GALNT9: variants seen among roughly 807,000 people sequenced by gnomAD.
The protein encoded by GALNT9 is GalNAc transferase 9.
In GALNT9, 47 loss-of-function variants were observed where a neutral mutation model predicts 63.1. The observed-to-expected ratio is 0.75, with a 90% CI of 0.59 to 0.95. The LOEUF (loss-of-function observed/expected upper bound fraction) is 0.95, where lower values mean the gene tolerates loss of function less well. GALNT9 is among the 40% of genes least tolerant of loss of function. The pLI is 0.00. For synonymous variants in GALNT9, 396 were observed against 365.7 expected (o/e 1.08, Z -0.94); for missense variants, 829 against 874.8 (o/e 0.95, Z 0.66).
intron 6 of GALNT9, among the ~76,000 whole-genome samples, chr12:132,208,961 G>A (rs1008630515): frequency 6.6e-6 from 1 of 152,190 alleles, no homozygotes; most frequent in African/African-American, 2.4e-5. Context: ...CTGTCTTGGG[G>A]TAATTATTAA....
chr12:132,203,719 G>A (rs770839659), intron 6 of GALNT9, 29 bp from the exon 7 acceptor site: 30 of 1,602,516 alleles, frequency 1.9e-5, no homozygotes, highest in Admixed American at 5.1e-5. Flanking sequence ...GGGTGCCGGC[G>A]TCCTTCCCAA....
intron 1 of GALNT9, among the ~76,000 whole-genome samples, chr12:132,304,382 C>G (rs201592824): frequency 9.6e-5 from 9 of 94,078 alleles, no homozygotes; most frequent in Admixed American, 2.1e-4. Context: ...CCCGGGCACA[C>G]CCTCACCGGG....
At position 132,198,065 on chromosome 12, in the gene GALNT9, C is replaced by T. The variant is rs528308145; in HGVS notation, c.1498-106G>A. 2.5e-3 allele frequency: 2,410 copies of T among 967,136 alleles called. 4 individuals carry two copies. Among genetic ancestry groups the T allele is most frequent in the Non-Finnish European group, 3.4e-3 (2,212 of 656,262 alleles). 59.9% of individuals were successfully genotyped at this position (967,136 alleles called of 1,614,324 possible). On this transcript the variant is annotated intron_variant, in intron 9 of 10. Transcript: ENST00000328957. ...CTTGAGCTGCAAACGGGGCCCTGCGCGGCTGCCTTGGAGCCTCCCACCCCG... is the reference window on the plus strand; with the variant it reads ...CTTGAGCTGCAAACGGGGCCCTGCGTGGCTGCCTTGGAGCCTCCCACCCCG...
Position 132,286,100 on chromosome 12 carries a change from GGCGGGCGTGGGGGGCGGT to G in GALNT9, c.419+132_419+149del. ...CAGCGTGGGGGGCGGTCACTTCCCCGGCGGGCGTGGGGGGCGGTCACTTCCCTGGCGGGCGTGGGGGCC... is the reference window on the plus strand; with the variant it reads ...CAGCGTGGGGGGCGGTCACTTCCCCGCACTTCCCTGGCGGGCGTGGGGGCC... On this transcript the variant is annotated intron_variant, in intron 2 of 10. Coordinates refer to ENST00000328957, the MANE Select transcript of GALNT9 (RefSeq NM_001122636.2). This position sits in a 1 kb window ranked among gnomAD's most constrained non-coding sequence, Gnocchi z 7.4. 3 of 1,062,972 alleles carry G rather than the reference GGCGGGCGTGGGGGGCGGT, an allele frequency of 2.8e-6. No individual in the cohort carries two copies. The highest frequency in any genetic ancestry group is 3.5e-5 in the South Asian group (2 of 56,372). The allele number at this position is 1,062,972 out of a possible 1,614,324, so 65.8% of individuals were successfully genotyped here.
At chr12:132,287,125 C>G (rs910666691) in intron 1 of GALNT9, among the ~76,000 whole-genome samples, 1 of 140,594 alleles carries the variant, frequency 7.1e-6, no homozygotes, top group African/African-American at 2.6e-5. Flanking sequence ...ATCGGCTCAT[C>G]GACGGTGACA....
chr12:132,284,432 G>A (rs77070394), intron 2 of GALNT9: 6,995 of 152,292 alleles, frequency 0.046, 198 homozygotes, highest in Middle Eastern at 0.085. Flanking sequence ...AAACACCACT[G>A]TGTTCTTATT....
intron 2 of GALNT9, among the ~76,000 whole-genome samples, chr12:132,270,669 C>T (rs1205460366): frequency 3.3e-5 from 5 of 152,310 alleles, no homozygotes; most frequent in South Asian, 4.1e-4. Flanking sequence ...GGCCAGAGCC[C>T]GACCACACAG....
intron 2 of GALNT9, among the ~76,000 whole-genome samples, chr12:132,271,164 G>T (rs782018118): frequency 8.5e-5 from 13 of 152,154 alleles, no homozygotes; most frequent in Non-Finnish European, 1.6e-4. Flanking sequence ...GCCATGTGGG[G>T]CCACACGTTC....
chr12:132,235,504 G>T (rs1330048069), intron 6 of GALNT9, among the ~76,000 whole-genome samples: 1 of 152,100 alleles, frequency 6.6e-6, no homozygotes, highest in Non-Finnish European at 1.5e-5. Flanking sequence ...GCACAGCTCG[G>T]AGGTGGGGAA....
Position 132,239,691 on chromosome 12 carries a change from TACAG to T in GALNT9, c.1077+8215_1077+8218del, listed in dbSNP as rs199675405. 7.9e-3 allele frequency among the ~76,000 whole-genome samples: 1,143 copies of T among 144,326 alleles called. 10 individuals carry two copies. The highest frequency in any genetic ancestry group is 0.012 in the Non-Finnish European group (815 of 65,838). The allele number at this position is 144,326 out of a possible 152,430, so 94.7% of individuals were successfully genotyped here. A position where few individuals can be genotyped will look rare whatever the true frequency, so the allele number is the denominator to read the frequency against. ...AGACAGAGAGACAAAGAGACAGAGA[TACAG>T]ACAGACTGAGACAAAGAGACACAGA... On this transcript the variant is annotated intron_variant, in intron 6 of 10. Coordinates refer to ENST00000328957, the MANE Select transcript of GALNT9 (RefSeq NM_001122636.2).
intron 1 of GALNT9, among the ~76,000 whole-genome samples, chr12:132,303,479 G>A (rs377224337): frequency 0.019 from 930 of 47,904 alleles, 21 homozygotes; most frequent in African/African-American, 0.024. Flanking sequence ...ACCCTCACCC[G>A]GGCACAGAAT....
chr12:132,197,139 T>C lies in GALNT9; in HGVS notation c.1780A>G (p.Ile594Val). 1.2e-6 allele frequency: 2 copies of C among 1,614,156 alleles called. No homozygotes were observed. Among genetic ancestry groups the C allele is most frequent in the East Asian group, 4.5e-5 (2 of 44,886 alleles). ...VQRCSGQKWM[I>V]RNWIKHARH ...CGTGCGTGTTTGATCCAGTTTCTGA[T>C]CATCCACTTCTGCCCCGAGCACCTC... is the stretch of plus-strand genomic sequence containing the variant. The change falls in exon 11 of 11, where the codon ATC becomes GTC. Residue 594 changes from isoleucine (I) to valine (V), a missense_variant. Physicochemically the swap from Ile to Val is conservative, Grantham distance 29 (BLOSUM62 3). Transcript: ENST00000328957.
At chr12:132,306,940 G>A (rs1458986246) in intron 1 of GALNT9, among the ~76,000 whole-genome samples, 1 of 152,180 alleles carries the variant, frequency 6.6e-6, no homozygotes, top group East Asian at 1.9e-4. Flanking sequence ...CAATCACAGG[G>A]GAGGAGACGG....
In GALNT9 at chr12:132,197,887, T is replaced by C; in HGVS notation, c.1570A>G (p.Lys524Glu). ...CCCGTGCCGTCATCCACCAGACACTTGGAGTCAGGCAAGAAGGCTGTGGAG... is the reference window on the plus strand; with the variant it reads ...CCCGTGCCGTCATCCACCAGACACTCGGAGTCAGGCAAGAAGGCTGTGGAG... ...LGSTAFLPDSKCLVDDGTGRM... is the reference protein window; with the variant it reads ...LGSTAFLPDSECLVDDGTGRM... The change falls in exon 10 of 11, where the codon AAG becomes GAG. Residue 524 changes from lysine (K) to glutamate (E), a missense_variant. Lys to Glu is a moderately conservative substitution (Grantham distance 56). Transcript: ENST00000328957. 2.5e-6 allele frequency: 4 copies of C among 1,611,722 alleles called. No individual in the cohort carries two copies. The highest frequency in any genetic ancestry group is 3.4e-6 in the Non-Finnish European group (4 of 1,179,448).
In GALNT9 at chr12:132,319,193, G is replaced by T. The variant is rs1868664141; in HGVS notation, c.238+9773C>A. 6.6e-6 allele frequency among the ~76,000 whole-genome samples: 1 copy of T among 152,216 alleles called. No homozygotes were observed. The highest frequency in any genetic ancestry group is 2.1e-4 in the South Asian group (1 of 4,830). ...GCCTTGGATGCCCAGGTGGCTGGAA[G>T]TATTGCTTCCAGGTGCGTCTGTGCG... is the stretch of plus-strand genomic sequence containing the variant. On this transcript the variant is annotated intron_variant, in intron 1 of 10. Coordinates refer to ENST00000328957, the MANE Select transcript of GALNT9 (RefSeq NM_001122636.2). The surrounding 1 kb of genome is among the most constrained non-coding windows in gnomAD (Gnocchi z 5.2).
chr12:132,327,655 G>A lies in GALNT9; in HGVS notation c.238+1311C>T, dbSNP rs1593128501. On this transcript the variant is annotated intron_variant, in intron 1 of 10. Transcript: ENST00000328957. The surrounding 1 kb of genome is among the most constrained non-coding windows in gnomAD (Gnocchi z 4.3). The stretch of plus-strand genomic sequence containing the variant: ...CTACTTTTCTCCCCTCGTGGCTCCA[G>A]CTGAATCAGAAAGATCAGAGAAGCC... 2.6e-5 allele frequency among the ~76,000 whole-genome samples: 4 copies of A among 152,270 alleles called. No individual in the cohort carries two copies. In the South Asian group the frequency reaches 8.3e-4, roughly 32 times the overall value.
chr12:132,311,976 G>A (rs1176509354), intron 1 of GALNT9, among the ~76,000 whole-genome samples: 1 of 152,192 alleles, frequency 6.6e-6, no homozygotes. Flanking sequence ...AAAAAAGAGA[G>A]ACCCTGGTTT....
chr12:132,202,863 A>G (rs1565983273), intron 7 of GALNT9, among the ~76,000 whole-genome samples: 2 of 152,140 alleles, frequency 1.3e-5, no homozygotes, highest in Non-Finnish European at 2.9e-5. Context: ...CAGGCTCTTT[A>G]TGGGAAATTA....
At chr12:132,208,912 A>G (rs767082070) in intron 6 of GALNT9, among the ~76,000 whole-genome samples, 1 of 152,210 alleles carries the variant, frequency 6.6e-6, no homozygotes, top group Non-Finnish European at 1.5e-5. Context: ...GTTACTAGCC[A>G]TGCATCCCCA....
Sources: gnomAD v4.1 joint callset for allele counts (sites outside exome capture counted in the v4.1 genomes callset) on GRCh38, gnomAD v4.1.1 for gene constraint, Gnocchi (gnomAD v3.1) non-coding constraint, MANE v1.5 for transcripts, NCBI Gene and HGNC (gene_info 2026-07-23, HGNC 2026-07-21) for gene names.